Variants in SORCS3 observed in about 807,000 individuals in gnomAD.
SORCS3 encodes the protein sortilin related VPS10 domain containing receptor 3, also known as VPS10 domain-containing receptor SorCS3.
In SORCS3, 57 loss-of-function variants were observed where a neutral mutation model predicts 146.3. The ratio of observed to expected loss-of-function variants is 0.39; its 90% CI spans 0.31 to 0.49. The LOEUF (loss-of-function observed/expected upper bound fraction) is 0.49, where lower values mean the gene tolerates loss of function less well. Among genes scored for constraint, SORCS3 ranks in the 20% least tolerant of loss-of-function variants. The pLI, the probability that SORCS3 is intolerant of heterozygous loss-of-function variation, is 0.92. For synonymous variants in SORCS3, 653 were observed against 618.5 expected, an observed-to-expected ratio of 1.06 and a Z score of -0.83; for missense variants, 1,341 against 1,575.5, an observed-to-expected ratio of 0.85 and a Z score of 2.52.
At chr10:104,778,666 G>C (rs575665231) in intron 1 of SORCS3, among the ~76,000 whole-genome samples, 2 of 152,290 alleles carry the variant, frequency 1.3e-5, no homozygotes, top group Admixed American at 1.3e-4. Context: ...CCCAACGGTC[G>C]TCAACCACTA....
At chr10:104,718,611 T>C (rs761232498) in intron 1 of SORCS3, among the ~76,000 whole-genome samples, 2 of 152,180 alleles carry the variant, frequency 1.3e-5, no homozygotes, top group East Asian at 3.8e-4. Context: ...CCCTATGGTA[T>C]CTACTGCAGG....
chr10:104,732,928 C>T (rs2016724672), intron 1 of SORCS3, among the ~76,000 whole-genome samples: 1 of 152,042 alleles, frequency 6.6e-6, no homozygotes. Flanking sequence ...CTTTCAGGCC[C>T]CATTCATGGT....
intron 2 of SORCS3, among the ~76,000 whole-genome samples, chr10:104,860,769 A>G (rs769998345): frequency 1.3e-5 from 2 of 152,194 alleles, no homozygotes; most frequent in African/African-American, 4.8e-5. Flanking sequence ...CCTGAGGGGC[A>G]GAGAGCTTCA....
chr10:104,675,224 A>G lies in SORCS3; in HGVS notation c.627+33270A>G, dbSNP rs182998721. Among the ~76,000 whole-genome samples the G allele has an allele frequency of 5.0e-3, 765 of 152,322 alleles. 2 individuals are homozygous for G. The highest frequency in any genetic ancestry group is 7.9e-3 in the Non-Finnish European group (534 of 68,018). On this transcript the variant is annotated intron_variant, in intron 1 of 26. Coordinates refer to ENST00000369701, the MANE Select transcript of SORCS3 (RefSeq NM_014978.3). ...ATTACTGAGATGTTGAGCATTTTTCATATGCCTAATGGCCATTTGGATATA... is the reference window on the plus strand; with the variant it reads ...ATTACTGAGATGTTGAGCATTTTTCGTATGCCTAATGGCCATTTGGATATA...
intron 19 of SORCS3, among the ~76,000 whole-genome samples, chr10:105,219,871 G>A (rs1301971344): frequency 6.6e-6 from 1 of 152,170 alleles, no homozygotes; most frequent in Non-Finnish European, 1.5e-5. Flanking sequence ...ACAACAGCAA[G>A]GAAGAGGTTT....
chr10:105,182,755 A>T (rs1319853123), intron 14 of SORCS3, among the ~76,000 whole-genome samples: 1 of 152,068 alleles, frequency 6.6e-6, no homozygotes, highest in Non-Finnish European at 1.5e-5. Flanking sequence ...GAGTGCAGTG[A>T]TGCGGTCATG....
chr10:105,048,580 A>G, intron 5 of SORCS3, among the ~76,000 whole-genome samples: 2 of 149,942 alleles, frequency 1.3e-5, no homozygotes, highest in Admixed American at 6.7e-5. Flanking sequence ...GATATACCTA[A>G]TGTTAAATGA....
intron 5 of SORCS3, among the ~76,000 whole-genome samples, chr10:105,051,026 A>C (rs1434751783): frequency 6.6e-6 from 1 of 152,126 alleles, no homozygotes; most frequent in Non-Finnish European, 1.5e-5. Context: ...CAAACCTCAG[A>C]GCCCTATCCT....
At chr10:104,940,238 A>ATATATATATTTTTT (rs1435205868) in intron 3 of SORCS3, among the ~76,000 whole-genome samples, 5 of 31,504 alleles carry the variant, frequency 1.6e-4, no homozygotes, top group Non-Finnish European at 2.4e-4. Context: ...ATATATATAT[A>ATATATATATTTTTT]TTTTTTTTTT....
chr10:104,936,484 T>C (rs1412703888), intron 3 of SORCS3, among the ~76,000 whole-genome samples: 2 of 152,090 alleles, frequency 1.3e-5, no homozygotes, highest in Non-Finnish European at 2.9e-5. Flanking sequence ...GAATGAGAGC[T>C]GGGGAACTGG....
intron 1 of SORCS3, among the ~76,000 whole-genome samples, chr10:104,728,393 G>A (rs1366606170): frequency 1.3e-5 from 2 of 152,152 alleles, no homozygotes; most frequent in Non-Finnish European, 2.9e-5. Context: ...TAGTTCTACT[G>A]CAGGGCTGAG....
intron 1 of SORCS3, among the ~76,000 whole-genome samples, chr10:104,773,830 C>T (rs1001101118): frequency 1.3e-5 from 2 of 152,188 alleles, no homozygotes; most frequent in African/African-American, 4.8e-5. Context: ...ATTCAAGTGT[C>T]CTCAAGAACT....
intron 1 of SORCS3, among the ~76,000 whole-genome samples, chr10:104,758,102 C>G (rs987983203): frequency 1.3e-5 from 2 of 152,124 alleles, no homozygotes; most frequent in African/African-American, 4.8e-5. Flanking sequence ...TTTGACTAAG[C>G]CCCAGCAATG....
chr10:104,971,729 A>C (rs2054861683), intron 3 of SORCS3, among the ~76,000 whole-genome samples: 1 of 152,222 alleles, frequency 6.6e-6, no homozygotes, highest in Non-Finnish European at 1.5e-5. Context: ...TAGTATATTG[A>C]GTGCAAAAGA....
chr10:104,668,052 G>C (rs1302928508), intron 1 of SORCS3, among the ~76,000 whole-genome samples: 13 of 152,186 alleles, frequency 8.5e-5, no homozygotes, highest in Non-Finnish European at 1.8e-4. Context: ...TTTAAAGTGG[G>C]CAGGTTGGTC....
intron 4 of SORCS3, among the ~76,000 whole-genome samples, chr10:105,002,809 G>C (rs187732487): frequency 1.1e-4 from 17 of 152,258 alleles, no homozygotes; most frequent in Admixed American, 9.8e-4. Context: ...GTATGTACTT[G>C]AGTACGTTCC....
intron 4 of SORCS3, among the ~76,000 whole-genome samples, chr10:104,980,717 A>T (rs576284217): frequency 6.6e-6 from 1 of 152,312 alleles, no homozygotes; most frequent in South Asian, 2.1e-4. Context: ...CTATCTCGTT[A>T]TGTTGTATGT....
At chr10:104,733,811 C>A (rs1376157749) in intron 1 of SORCS3, among the ~76,000 whole-genome samples, 1 of 152,060 alleles carries the variant, frequency 6.6e-6, no homozygotes, top group African/African-American at 2.4e-5. Flanking sequence ...AGGCCAGGAG[C>A]CCTCTTGTTG....
intron 1 of SORCS3, among the ~76,000 whole-genome samples, chr10:104,720,843 T>G (rs556268661): frequency 6.6e-6 from 1 of 152,332 alleles, no homozygotes; most frequent in Non-Finnish European, 1.5e-5. Context: ...TTCTTGTAAA[T>G]TTGTTTGAGT....
Sources: gnomAD v4.1 joint callset for allele counts (sites outside exome capture counted in the v4.1 genomes callset) on GRCh38, gnomAD v4.1.1 for gene constraint, MANE v1.5 for transcripts, NCBI Gene and HGNC (gene_info 2026-07-23, HGNC 2026-07-21) for gene names.